Variants in MGARP observed in about 807,000 individuals in gnomAD.
The protein encoded by MGARP is mitochondria localized glutamic acid rich protein, also known as protein MGARP.
A neutral mutation model predicts 11.0 loss-of-function variants in MGARP; 12 were observed. The observed-to-expected ratio is 1.09, with a 90% CI of 0.70 to 1.77. MGARP has a LOEUF of 1.77. Ranked by LOEUF, MGARP falls within the 40% of genes most tolerant of loss-of-function variation. The pLI, the probability that MGARP is intolerant of heterozygous loss-of-function variation, is 0.00. For synonymous variants in MGARP, 110 were observed against 115.4 expected (o/e 0.95, Z 0.30); for missense variants, 283 against 297.8 (o/e 0.95, Z 0.36).
chr4:139,271,298 G>A lies in MGARP; in HGVS notation c.187-2533C>T, dbSNP rs550191448. Among the ~76,000 whole-genome samples, 13 of 152,280 alleles carry A rather than the reference G, an allele frequency of 8.5e-5. No individual in the cohort carries two copies. The East Asian group carries it at 1.9e-3, about 23-fold the overall frequency. ...CTCAGCACTTTGGGAGGCCGAGGCG[G>A]GTGGATCACCTGAGGTCAGGAGTTC... On this transcript the variant is annotated intron_variant, in intron 2 of 3. Coordinates refer to ENST00000398955, the MANE Select transcript of MGARP (RefSeq NM_032623.4).
intron 2 of MGARP, among the ~76,000 whole-genome samples, chr4:139,270,777 C>T (rs913659974): frequency 6.6e-6 from 1 of 152,078 alleles, no homozygotes; most frequent in African/African-American, 2.4e-5. Context: ...TCAACATTTT[C>T]TGTATAAAAG....
At chr4:139,280,018 G>T in intron 1 of MGARP, 59 bp downstream of exon 1, 2 of 1,579,876 alleles carry the variant, frequency 1.3e-6, no homozygotes, top group African/African-American at 1.3e-5. Context: ...TCCCTGGCGC[G>T]GGCGAAATCT....
intron 2 of MGARP, among the ~76,000 whole-genome samples, chr4:139,269,714 T>C (rs1011455264): frequency 6.6e-6 from 1 of 151,906 alleles, no homozygotes; most frequent in African/African-American, 2.4e-5. Context: ...ATGTGCAGGC[T>C]TCCTTTCATT....
chr4:139,266,653 A>G lies in MGARP; in HGVS notation c.669T>C (p.Asp223=). The G allele has an allele frequency of 6.2e-7, 1 of 1,614,008 alleles. No homozygotes were observed. Among genetic ancestry groups the G allele is most frequent in the South Asian group, 1.1e-5 (1 of 91,086 alleles). ...CAACACTGGCTTCCTCCTGTAAATC[A>G]TCTCCAGCAGAGGACTCTGACTCAG... ...SPAESESSAG[D]DLQEEASVGS... The change falls in exon 4 of 4, where the codon GAT becomes GAC. Residue 223 remains aspartate (D), a synonymous_variant. Coordinates refer to ENST00000398955, the MANE Select transcript of MGARP (RefSeq NM_032623.4).
chr4:139,275,943 C>T (rs1046549294), intron 1 of MGARP, among the ~76,000 whole-genome samples: 7 of 152,034 alleles, frequency 4.6e-5, no homozygotes, highest in South Asian at 2.1e-4. Flanking sequence ...GCAGATAAAA[C>T]GTTTTTAAGC....
Position 139,278,314 on chromosome 4 carries a change from T to G in MGARP, c.82+1763A>C, listed in dbSNP as rs143581973. On this transcript the variant is annotated intron_variant, in intron 1 of 3. Transcript: ENST00000398955. ...TTAAAAATTTTTCCTTCAATAAAAC[T>G]GAAAAAAATTATTTTTCATCAAAGT... Among the ~76,000 whole-genome samples the G allele has an allele frequency of 1.9e-3, 293 of 152,256 alleles. 2 individuals are homozygous for G. Among genetic ancestry groups the G allele is most frequent in the Non-Finnish European group, 3.3e-3 (225 of 68,006 alleles).
intron 2 of MGARP, among the ~76,000 whole-genome samples, chr4:139,272,846 C>T (rs895977321): frequency 1.2e-4 from 18 of 151,442 alleles, no homozygotes; most frequent in African/African-American, 2.7e-4. Flanking sequence ...CCACCACGCC[C>T]GGCTAATTTT....
chr4:139,276,788 G>T (rs1474393738), intron 1 of MGARP, among the ~76,000 whole-genome samples: 1 of 152,118 alleles, frequency 6.6e-6, no homozygotes, highest in Admixed American at 6.6e-5. Context: ...AGTGAGCTGT[G>T]ATTGTACCAC....
In MGARP at chr4:139,275,375, AC is replaced by A; in HGVS notation, c.99del (p.Met33IlefsTer14). On this transcript the variant is annotated frameshift_variant, in exon 2 of 4. Transcript: ENST00000398955. LOFTEE classifies it high-confidence loss of function. ...PLGKDASLRRMSSNRFPGSSG... is the reference protein window; with the variant it reads ...PLGKDASLRRXSSNRFPGSSG... ...GATGATCCAGGGAATCTGTTAGATG[AC>A]ATCCGGCGCAGAGATGCTAGGAAAA... is the stretch of plus-strand genomic sequence containing the variant. The A allele has an allele frequency of 6.2e-7, 1 of 1,613,954 alleles. No individual in the cohort carries two copies. Among genetic ancestry groups the A allele is most frequent in the South Asian group, 1.1e-5 (1 of 91,044 alleles).
At position 139,266,991 on chromosome 4, in the gene MGARP, C is replaced by G. The variant is rs1305484261; in HGVS notation, c.331G>C (p.Glu111Gln). ...ACCTCAGCTTCCACTATAAGTTCTT[C>G]TGGGGCTTCTGAACTTGCTTTCTCA... ...ETEKASSEAP[E>Q]ELIVEAEVVD... Residue 111 changes from glutamate to glutamine, a missense_variant, in exon 4 of 4, where the codon GAA becomes CAA. Glu to Gln is a conservative substitution (Grantham distance 29). Transcript: ENST00000398955. The G allele has an allele frequency of 6.2e-7, 1 of 1,614,172 alleles. No individual in the cohort carries two copies. The highest frequency in any genetic ancestry group is 1.7e-5 in the Admixed American group (1 of 60,014).
At chr4:139,272,419 C>T (rs993711570) in intron 2 of MGARP, among the ~76,000 whole-genome samples, 1 of 151,346 alleles carries the variant, frequency 6.6e-6, no homozygotes, top group East Asian at 2.0e-4. Flanking sequence ...ATTAGCTGGG[C>T]GTGGTAGTGG....
chr4:139,279,136 G>A (rs1054854711), intron 1 of MGARP, among the ~76,000 whole-genome samples: 1 of 152,218 alleles, frequency 6.6e-6, no homozygotes, highest in Non-Finnish European at 1.5e-5. Context: ...GAGTGGAAGA[G>A]AGAGGGGTGA....
chr4:139,268,611 G>T, intron 3 of MGARP, 61 bp downstream of exon 3: 1 of 1,181,242 alleles, frequency 8.5e-7, no homozygotes, highest in Non-Finnish European at 1.2e-6. Flanking sequence ...GCTAGACTAA[G>T]TGGATGGAAA....
At chr4:139,271,789 A>G (rs1323370850) in intron 2 of MGARP, among the ~76,000 whole-genome samples, 1 of 152,196 alleles carries the variant, frequency 6.6e-6, no homozygotes, top group East Asian at 1.9e-4. Flanking sequence ...AACATTTGAG[A>G]TTAAAATCAC....
intron 2 of MGARP, among the ~76,000 whole-genome samples, chr4:139,269,455 C>T (rs1270381202): frequency 2.6e-5 from 4 of 151,404 alleles, no homozygotes; most frequent in Admixed American, 2.0e-4. Flanking sequence ...ATGGTGAAAC[C>T]CCATCTCTAC....
At chr4:139,272,933 A>G (rs1338916358) in intron 2 of MGARP, among the ~76,000 whole-genome samples, 1 of 151,658 alleles carries the variant, frequency 6.6e-6, no homozygotes, top group Non-Finnish European at 1.5e-5. Context: ...TGATCCACCC[A>G]CCTTGGCCTC....
intron 2 of MGARP, among the ~76,000 whole-genome samples, chr4:139,269,770 G>T (rs777532080): frequency 1.2e-4 from 18 of 151,958 alleles, no homozygotes; most frequent in Non-Finnish European, 2.1e-4. Flanking sequence ...ATTAGAAAAT[G>T]ATATAAAAAA....
intron 1 of MGARP, among the ~76,000 whole-genome samples, chr4:139,277,938 C>T (rs1744896260): frequency 6.6e-6 from 1 of 151,902 alleles, no homozygotes; most frequent in Admixed American, 6.6e-5. Flanking sequence ...AAAAAGTTAC[C>T]CTTTTAAGGC....
intron 2 of MGARP, among the ~76,000 whole-genome samples, chr4:139,274,482 A>AT (rs1400115791): frequency 5.9e-5 from 9 of 151,878 alleles, no homozygotes; most frequent in African/African-American, 4.8e-5. Context: ...AGTTATATTA[A>AT]TTTTTTTAAA....
Sources: allele counts gnomAD v4.1 joint callset (sites outside exome capture counted in the v4.1 genomes callset), GRCh38; gene constraint gnomAD v4.1.1; transcripts MANE v1.5; gene names NCBI Gene and HGNC (gene_info 2026-07-23, HGNC 2026-07-21).